Variants in CCL18 observed in about 807,000 individuals in gnomAD.
The protein encoded by CCL18 is C-C motif chemokine 18.
CCL18 carries 7 observed loss-of-function variants against 8.0 expected under a neutral mutation model. That is an observed-to-expected ratio of 0.87 (90% CI 0.50 to 1.64). The LOEUF (loss-of-function observed/expected upper bound fraction) is 1.64, where lower values mean the gene tolerates loss of function less well. CCL18 is among the 40% of genes most tolerant of loss of function. The pLI is 0.00. For synonymous variants in CCL18, 35 were observed against 41.3 expected (o/e 0.85, Z 0.59); for missense variants, 95 against 107.8 (o/e 0.88, Z 0.52).
rs768658429 is a variant in CCL18 at position 36,064,517 on chromosome 17, TG to T, written c.67+112del. ...TCGTGTGAAATTAGGGATCCTCAAA[TG>T]GGGTTTCAAAGTGACATCATTGTTT... On this transcript the variant is annotated intron_variant, in intron 1 of 2. Transcript: ENST00000616054. The T allele has an allele frequency of 3.1e-4, 251 of 812,600 alleles. No individual in the cohort carries two copies. The Middle Eastern group carries it at 3.9e-3, about 13-fold the overall frequency. The allele number at this position is 812,600 out of a possible 1,614,324, so 50.3% of individuals were successfully genotyped here.
intron 1 of CCL18, among the ~76,000 whole-genome samples, chr17:36,067,189 G>A (rs1251362281): frequency 6.6e-6 from 1 of 152,156 alleles, no homozygotes; most frequent in Non-Finnish European, 1.5e-5. Flanking sequence ...AACATTCATA[G>A]CTCCCTACAA....
intron 2 of CCL18, 150 bp downstream of exon 2, chr17:36,070,708 T>C: frequency 1.5e-6 from 1 of 647,088 alleles, no homozygotes; most frequent in Non-Finnish European, 2.8e-6. Flanking sequence ...GCCTGGGGCC[T>C]GCAGAGTCCT....
chr17:36,064,459 C>A, intron 1 of CCL18, 50 bp downstream of exon 1: 1 of 1,425,656 alleles, frequency 7.0e-7, no homozygotes, highest in Non-Finnish European at 9.9e-7. Flanking sequence ...AGAAGTCAGG[C>A]GACATCTTCC....
intron 1 of CCL18, among the ~76,000 whole-genome samples, chr17:36,065,622 A>G (rs1446201835): frequency 6.6e-6 from 1 of 152,190 alleles, no homozygotes; most frequent in Non-Finnish European, 1.5e-5. Context: ...GGGGTGCCTT[A>G]ACCGTGAGGG....
intron 2 of CCL18, 29 bp from the exon 3 acceptor site, chr17:36,070,922 G>A: frequency 6.5e-7 from 1 of 1,533,672 alleles, no homozygotes; most frequent in Non-Finnish European, 9.0e-7. Flanking sequence ...GAATTCGTCA[G>A]TTCTTAACTC....
Position 36,071,034 on chromosome 17 carries a change from A to G in CCL18, c.263A>G (p.Asn88Ser), listed in dbSNP as rs2066863244. The change falls in exon 3 of 3, where the codon AAT becomes AGT. Residue 88 changes from asparagine to serine, a missense_variant. Coordinates refer to ENST00000616054, the MANE Select transcript of CCL18 (RefSeq NM_002988.4). Reference sequence around the variant, plus strand: ...AAATACATCAGCGACCTGAAGCTGAATGCCTGAGGGGCCTGGAAGCTGCGA... The same window carrying G: ...AAATACATCAGCGACCTGAAGCTGAGTGCCTGAGGGGCCTGGAAGCTGCGA... The part of the protein sequence containing the change: ...VQKYISDLKL[N>S]A 1.9e-6 allele frequency: 3 copies of G among 1,610,922 alleles called. No homozygotes were observed. Among genetic ancestry groups the G allele is most frequent in the Non-Finnish European group, 2.5e-6 (3 of 1,177,188 alleles).
At position 36,064,410 on chromosome 17, in the gene CCL18, G is replaced by C; in HGVS notation, c.67+1G>C. ...ATGGCCCTCTGCTCCTGTGCACAAG[G>C]TGAGTCTGTCATCCATGTGCTTTGA... On this transcript the variant is annotated splice_donor_variant, in intron 1 of 2. Coordinates refer to ENST00000616054, the MANE Select transcript of CCL18 (RefSeq NM_002988.4). LOFTEE classifies it high-confidence loss of function. The C allele has an allele frequency of 2.5e-6, 4 of 1,612,910 alleles. No homozygotes were observed. The highest frequency in any genetic ancestry group is 3.4e-6 in the Non-Finnish European group (4 of 1,179,062).
At chr17:36,065,173 C>T (rs712041) in intron 1 of CCL18, among the ~76,000 whole-genome samples, 10,320 of 152,152 alleles carry the variant, frequency 0.068, 1,156 homozygotes, top group African/African-American at 0.23. Flanking sequence ...AATTAAAATC[C>T]TATGATATAT....
At chr17:36,069,076 C>T (rs1483543772) in intron 1 of CCL18, among the ~76,000 whole-genome samples, 1 of 151,982 alleles carries the variant, frequency 6.6e-6, no homozygotes, top group African/African-American at 2.4e-5. Flanking sequence ...GTTGGTCTCA[C>T]ACTCTTGGCT....
At chr17:36,066,021 A>G (rs1209679939) in intron 1 of CCL18, among the ~76,000 whole-genome samples, 1 of 152,204 alleles carries the variant, frequency 6.6e-6, no homozygotes, top group Non-Finnish European at 1.5e-5. Context: ...AACTAGACCC[A>G]GAGTTTGCAT....
At chr17:36,070,180 C>T (rs1029951153) in intron 1 of CCL18, among the ~76,000 whole-genome samples, 4 of 152,046 alleles carry the variant, frequency 2.6e-5, no homozygotes, top group Admixed American at 1.3e-4. Context: ...AAATAGTTTG[C>T]TCAGAAAACT....
chr17:36,070,969 C>T lies in CCL18; in HGVS notation c.198C>T (p.Gly66=). ...KPGVILLTKR[G]RQICADPNKK... ...TCCACAGCCTCCTAACCAAGAGAGGCCGGCAGATCTGTGCTGACCCCAATA... is the reference window on the plus strand; with the variant it reads ...TCCACAGCCTCCTAACCAAGAGAGGTCGGCAGATCTGTGCTGACCCCAATA... Residue 66 remains glycine (G), a synonymous_variant, in exon 3 of 3, where the codon GGC becomes GGT. Coordinates refer to ENST00000616054, the MANE Select transcript of CCL18 (RefSeq NM_002988.4). 1 of 1,613,712 alleles carries T rather than the reference C, an allele frequency of 6.2e-7. No individual in the cohort carries two copies. Among genetic ancestry groups the T allele is most frequent in the Non-Finnish European group, 8.5e-7 (1 of 1,179,574 alleles).
At chr17:36,064,473 T>C in intron 1 of CCL18, 64 bp downstream of exon 1, 6 of 1,263,736 alleles carry the variant, frequency 4.7e-6, no homozygotes, top group Non-Finnish European at 6.9e-6. Flanking sequence ...ATCTTCCAAG[T>C]GCTGTGGCCT....
chr17:36,070,957 A>T lies in CCL18; in HGVS notation c.186A>T (p.Leu62=), dbSNP rs763341723. Residue 62 remains leucine, a synonymous_variant, in exon 3 of 3, where the codon CTA becomes CTT. Transcript: ENST00000616054. ...CTTCCTCCCTTCTCCACAGCCTCCT[A>T]ACCAAGAGAGGCCGGCAGATCTGTG... ...PQCPKPGVIL[L]TKRGRQICAD... 1.9e-5 allele frequency: 31 copies of T among 1,612,202 alleles called. No homozygotes were observed. The highest frequency in any genetic ancestry group is 2.5e-5 in the Non-Finnish European group (29 of 1,178,310).
intron 1 of CCL18, 135 bp downstream of exon 1, chr17:36,064,544 T>C (rs1430402447): frequency 1.5e-6 from 1 of 683,678 alleles, no homozygotes; most frequent in African/African-American, 1.8e-5. Flanking sequence ...ATCATTGTTT[T>C]CTTCAAGAAG....
chr17:36,070,340 A>G, intron 1 of CCL18, 107 bp from the exon 2 acceptor site: 1 of 657,470 alleles, frequency 1.5e-6, no homozygotes, highest in Non-Finnish European at 2.8e-6. Context: ...CCCCACCCCA[A>G]GCGGTGATAT....
Position 36,071,896 on chromosome 17 carries a change from G to A in CCL18, c.*855G>A, listed in dbSNP as rs980709361. On this transcript the variant is annotated 3_prime_UTR_variant, in exon 3 of 3. Coordinates refer to ENST00000616054, the MANE Select transcript of CCL18 (RefSeq NM_002988.4). Reference sequence around the variant, plus strand: ...TAGTCTAGCAAGGACTCCTTACCTGGAAGTTGCTGAAAGCCTTGGTAATGT... The same window carrying A: ...TAGTCTAGCAAGGACTCCTTACCTGAAAGTTGCTGAAAGCCTTGGTAATGT... The A allele has an allele frequency of 1.3e-5, 2 of 152,124 alleles. No individual in the cohort carries two copies. The highest frequency in any genetic ancestry group is 2.9e-5 in the Non-Finnish European group (2 of 68,036). 9.4% of individuals were successfully genotyped at this position (152,124 alleles called of 1,614,324 possible).
Position 36,071,146 on chromosome 17 carries a change from AG to A in CCL18, c.*106del. 2.9e-6 allele frequency: 2 copies of A among 690,228 alleles called. No homozygotes were observed. The highest frequency in any genetic ancestry group is 5.2e-6 in the Non-Finnish European group (2 of 387,570). 42.8% of individuals were successfully genotyped at this position (690,228 alleles called of 1,614,324 possible). On this transcript the variant is annotated 3_prime_UTR_variant, in exon 3 of 3. Transcript: ENST00000616054. ...GCCACCCTGGAGGCTACCTCTTCTA[AG>A]AGTCCCATCTGCTATGCCCAGCCAC...
At position 36,070,438 on chromosome 17, in the gene CCL18, C is replaced by G; in HGVS notation, c.68-9C>G. On this transcript the variant is annotated splice_polypyrimidine_tract_variant and intron_variant, in intron 1 of 2. Coordinates refer to ENST00000616054, the MANE Select transcript of CCL18 (RefSeq NM_002988.4). ...ATGACTTGGGATCTTTCTGTCCTGT[C>G]TCTTGCAGTTGGTACCAACAAAGAG... 3.2e-6 allele frequency: 5 copies of G among 1,542,490 alleles called. No individual in the cohort carries two copies. The highest frequency in any genetic ancestry group is 4.5e-6 in the Non-Finnish European group (5 of 1,114,466).
Sources: allele counts gnomAD v4.1 joint callset (sites outside exome capture counted in the v4.1 genomes callset), GRCh38; gene constraint gnomAD v4.1.1; transcripts MANE v1.5; gene names NCBI Gene and HGNC (gene_info 2026-07-23, HGNC 2026-07-21).